KATNAL1: variants seen among roughly 807,000 people sequenced by gnomAD.
KATNAL1 encodes the protein katanin catalytic subunit A1 like 1, also known as katanin p60 ATPase-containing subunit A-like 1.
A neutral mutation model predicts 55.2 loss-of-function variants in KATNAL1; 32 were observed. That is an observed-to-expected ratio of 0.58 (90% confidence interval 0.44 to 0.78). The LOEUF is 0.78. Among genes scored for constraint, KATNAL1 ranks in the 30% least tolerant of loss-of-function variants. The probability of loss-of-function intolerance (pLI) is 0.00; values close to 1 mark genes in which losing one functional copy is unlikely to be tolerated. For missense variants in KATNAL1, 466 were observed against 600.9 expected, an observed-to-expected ratio of 0.78 and a Z score of 2.35; for synonymous variants, 193 against 193.6, an observed-to-expected ratio of 1.00 and a Z score of 0.02.
chr13:30,239,747 G>A (rs1449452605), intron 6 of KATNAL1, among the ~76,000 whole-genome samples: 3 of 147,596 alleles, frequency 2.0e-5, no homozygotes, highest in Non-Finnish European at 3.0e-5. Context: ...GTGCAGTTGC[G>A]CGATCTTGGC....
At chr13:30,280,878 C>T (rs1001569697) in intron 2 of KATNAL1, among the ~76,000 whole-genome samples, 4 of 151,938 alleles carry the variant, frequency 2.6e-5, no homozygotes, top group African/African-American at 9.7e-5. Flanking sequence ...CTTGTGTTTG[C>T]AAACTTTGAG....
At chr13:30,296,073 T>C (rs1300963975) in intron 1 of KATNAL1, 2 of 273,466 alleles carry the variant, frequency 7.3e-6, no homozygotes, top group South Asian at 7.7e-5. Flanking sequence ...ATTAGTCACA[T>C]GGGCACTGAG....
rs202029772 is a variant in KATNAL1 at position 30,255,527 on chromosome 13, G to A, written c.412C>T (p.Arg138Ter). The A allele has an allele frequency of 1.3e-6, 2 of 1,597,342 alleles. No individual in the cohort carries two copies. Among genetic ancestry groups the A allele is most frequent in the East Asian group, 2.3e-5 (1 of 43,438 alleles). The change falls in exon 4 of 11, where the codon CGA becomes TGA. Residue 138 changes from arginine (R) to a stop codon, truncating the protein, a stop_gained. Transcript: ENST00000380615. LOFTEE classifies it high-confidence loss of function. ...AGVGARGPVG[R>*]AHPISKSEKP... is the part of the protein sequence containing the mutation. ...TCACTCTTTGATATAGGATGTGCTC[G>A]GCCTACAGGTCCCCGGGCTCCTACT...
At position 30,205,633 on chromosome 13, in the gene KATNAL1, TGTGAGTGTGA is replaced by T. The variant is rs1179926480; in HGVS notation, c.*2897_*2906del. 2.3e-5 allele frequency: 1 copy of T among 42,930 alleles called. No homozygotes were observed. Among genetic ancestry groups the T allele is most frequent in the Non-Finnish European group, 4.4e-5 (1 of 22,794 alleles). The allele number at this position is 42,930 out of a possible 1,614,324, so 2.7% of individuals were successfully genotyped here. A position where few individuals can be genotyped will look rare whatever the true frequency, so the allele number is the denominator to read the frequency against. Reference sequence around the variant, plus strand: ...GTCAGAGTGTGTGTGTGTGTGTGTATGTGAGTGTGAGTGTGTGTGTGATGTACATTAAAAG... The same window carrying T: ...GTCAGAGTGTGTGTGTGTGTGTGTATGTGTGTGTGTGATGTACATTAAAAG... On this transcript the variant is annotated 3_prime_UTR_variant, in exon 11 of 11. Transcript: ENST00000380615.
chr13:30,209,065 T>C (rs1034781882), intron 10 of KATNAL1, among the ~76,000 whole-genome samples: 1 of 152,226 alleles, frequency 6.6e-6, no homozygotes, highest in Admixed American at 6.5e-5. Context: ...TACTGAATTG[T>C]ACACTTGGAA....
intron 3 of KATNAL1, among the ~76,000 whole-genome samples, chr13:30,274,907 G>GCGCGCACACACACA (rs869107567): frequency 1.1e-4 from 12 of 105,382 alleles, no homozygotes; most frequent in African/African-American, 2.4e-4. Flanking sequence ...GCGCGCGCGC[G>GCGCGCACACACACA]CACACACACA....
rs566453127 is a variant in KATNAL1 at position 30,275,319 on chromosome 13, A to T, written c.323+4744T>A. 5.3e-5 allele frequency among the ~76,000 whole-genome samples: 8 copies of T among 152,322 alleles called. No homozygotes were observed. The South Asian group carries it at 1.7e-3, about 32-fold the overall frequency. Reference sequence around the variant, plus strand: ...CAGTGCTGCACTCTTGTAAACAATCAGATCTCATGTGAACTGAGCAAGAAC... The same window carrying T: ...CAGTGCTGCACTCTTGTAAACAATCTGATCTCATGTGAACTGAGCAAGAAC... On this transcript the variant is annotated intron_variant, in intron 3 of 10. Transcript: ENST00000380615.
intron 3 of KATNAL1, among the ~76,000 whole-genome samples, chr13:30,265,862 A>G (rs1879732803): frequency 6.6e-6 from 1 of 150,772 alleles, no homozygotes; most frequent in African/African-American, 2.4e-5. Flanking sequence ...AATACAAAAA[A>G]TTTGCCAGGC....
At chr13:30,235,655 A>T (rs1266751483) in intron 6 of KATNAL1, among the ~76,000 whole-genome samples, 2 of 152,232 alleles carry the variant, frequency 1.3e-5, no homozygotes, top group African/African-American at 4.8e-5. Context: ...CCAGGAAGAG[A>T]GGGCGAAAGA....
At chr13:30,292,591 C>T (rs773056801) in intron 1 of KATNAL1, among the ~76,000 whole-genome samples, 31 of 152,162 alleles carry the variant, frequency 2.0e-4, no homozygotes, top group Non-Finnish European at 4.0e-4. Flanking sequence ...TGGAGAAAGA[C>T]ACTATCTCTT....
chr13:30,224,282 T>C (rs1217562017), intron 9 of KATNAL1, among the ~76,000 whole-genome samples: 1 of 152,038 alleles, frequency 6.6e-6, no homozygotes, highest in Non-Finnish European at 1.5e-5. Flanking sequence ...GTAGCTCACA[T>C]CTGTAATCCC....
chr13:30,282,034 TA>T lies in KATNAL1; in HGVS notation c.162+1581del, dbSNP rs57103799. Reference sequence around the variant, plus strand: ...ATATATTGCTTATAAGTATTATTTGTAAAAAAAAAAAAAATTCTTTTTTAAA... The same window carrying T: ...ATATATTGCTTATAAGTATTATTTGTAAAAAAAAAAAAATTCTTTTTTAAA... On this transcript the variant is annotated intron_variant, in intron 2 of 10. Transcript: ENST00000380615. Among the ~76,000 whole-genome samples the T allele has an allele frequency of 7.4e-3, 1,099 of 149,180 alleles. 15 individuals are homozygous for T. Among genetic ancestry groups the T allele is most frequent in the African/African-American group, 0.024 (985 of 41,244 alleles).
intron 3 of KATNAL1, among the ~76,000 whole-genome samples, chr13:30,256,455 T>C (rs1878796643): frequency 6.6e-6 from 1 of 152,162 alleles, no homozygotes; most frequent in South Asian, 2.1e-4. Context: ...TTTCCTACCT[T>C]TTCTCTTTCT....
chr13:30,278,967 AAATTATCTGT>A (rs1881068086), intron 3 of KATNAL1, among the ~76,000 whole-genome samples: 1 of 152,262 alleles, frequency 6.6e-6, no homozygotes. Flanking sequence ...GAAAATCACA[AAATTATCTGT>A]AATTCAGTGG....
chr13:30,264,881 C>T (rs1339946700), intron 3 of KATNAL1, among the ~76,000 whole-genome samples: 1 of 138,164 alleles, frequency 7.2e-6, no homozygotes, highest in Non-Finnish European at 1.6e-5. Context: ...GGGTATATAC[C>T]CAAAGGACTA....
intron 4 of KATNAL1, among the ~76,000 whole-genome samples, chr13:30,248,376 T>C (rs915067104): frequency 6.6e-6 from 1 of 152,164 alleles, no homozygotes; most frequent in Admixed American, 6.5e-5. Flanking sequence ...ACTACTTTAC[T>C]ATAATCTAGT....
intron 3 of KATNAL1, among the ~76,000 whole-genome samples, chr13:30,264,254 A>G (rs1879554516): frequency 6.8e-6 from 1 of 147,956 alleles, no homozygotes; most frequent in Non-Finnish European, 1.5e-5. Context: ...TAAATGTTAG[A>G]CCTAAAACCA....
chr13:30,274,903 GCGCGCACACACACACA>G (rs1167507884), intron 3 of KATNAL1, among the ~76,000 whole-genome samples: 18 of 93,698 alleles, frequency 1.9e-4, no homozygotes, highest in African/African-American at 5.6e-4. Flanking sequence ...GCGCGCGCGC[GCGCGCACACACACACA>G]CACACACACA....
At chr13:30,209,460 A>C (rs1445275346) in intron 10 of KATNAL1, among the ~76,000 whole-genome samples, 1 of 152,260 alleles carries the variant, frequency 6.6e-6, no homozygotes, top group Non-Finnish European at 1.5e-5. Flanking sequence ...GAAAAATGCG[A>C]GCAGAAAAGG....
Sources: allele counts gnomAD v4.1 joint callset (sites outside exome capture counted in the v4.1 genomes callset), GRCh38; gene constraint gnomAD v4.1.1; transcripts MANE v1.5; gene names NCBI Gene and HGNC (gene_info 2026-07-23, HGNC 2026-07-21).